The following TRIM2 variants were observed in gnomAD, a reference collection of about 807,000 sequenced individuals.
The protein encoded by TRIM2 is tripartite motif containing 2.
A neutral mutation model predicts 75.2 loss-of-function variants in TRIM2; 20 were observed. That is an observed-to-expected ratio of 0.27 (90% CI 0.19 to 0.39). TRIM2 has a LOEUF of 0.39. Among genes scored for constraint, TRIM2 ranks in the 10% least tolerant of loss-of-function variants. The pLI is 1.00. For missense variants in TRIM2, 660 were observed against 990.8 expected, an observed-to-expected ratio of 0.67 and a Z score of 4.48; for synonymous variants, 373 against 388.3, an observed-to-expected ratio of 0.96 and a Z score of 0.46.
chr4:153,315,235 T>C (rs1037096996), intron 6 of TRIM2, among the ~76,000 whole-genome samples: 2 of 152,206 alleles, frequency 1.3e-5, no homozygotes, highest in African/African-American at 4.8e-5. Context: ...CATGTTAATA[T>C]GCAGCTACAA....
In TRIM2 at chr4:153,270,350, T is replaced by A; in HGVS notation, c.46T>A (p.Ser16Thr). The A allele has an allele frequency of 6.2e-7, 1 of 1,613,038 alleles. No homozygotes were observed. Among genetic ancestry groups the A allele is most frequent in the Non-Finnish European group, 8.5e-7 (1 of 1,179,526 alleles). ...RYGTQQQRAG[S>T]KTAGPPCQWS... ...TGTCTGACAGCAGCAGCGTGCAGGG[T>A]CAAAGACAGCCGGCCCCCCATGTCA... Residue 16 changes from serine (S) to threonine (T), a missense_variant, in exon 2 of 12, where the codon TCA becomes ACA. Ser to Thr is a moderately conservative substitution (Grantham distance 58, BLOSUM62 1). This residue lies in a region of TRIM2 where 620 missense variants were observed against 891.0 expected (regional missense o/e 0.70). Coordinates refer to ENST00000338700, the MANE Select transcript of TRIM2 (RefSeq NM_015271.5).
chr4:153,288,209 G>C (rs529649536), intron 3 of TRIM2, among the ~76,000 whole-genome samples: 30 of 152,130 alleles, frequency 2.0e-4, no homozygotes, highest in Non-Finnish European at 4.1e-4. Flanking sequence ...GGCTGAGGCA[G>C]GCGGATCACC....
chr4:153,244,552 C>T (rs1382893269), intron 1 of TRIM2, among the ~76,000 whole-genome samples: 1 of 151,016 alleles, frequency 6.6e-6, no homozygotes, highest in Admixed American at 6.6e-5. Context: ...TGTACCACTG[C>T]ACCTAGCAAC....
At chr4:153,254,274 C>T (rs1360374555) in intron 1 of TRIM2, among the ~76,000 whole-genome samples, 1 of 152,218 alleles carries the variant, frequency 6.6e-6, no homozygotes, top group African/African-American at 2.4e-5. Flanking sequence ...CGCTATCTCT[C>T]ATGCTCCTGC....
chr4:153,215,558 C>T (rs1190215937), intron 1 of TRIM2, among the ~76,000 whole-genome samples: 3 of 151,824 alleles, frequency 2.0e-5, no homozygotes, highest in African/African-American at 4.8e-5. Context: ...TGAAATATCC[C>T]AATTCTTGTT....
chr4:153,333,381 C>T (rs866793915), intron 11 of TRIM2, among the ~76,000 whole-genome samples: 2 of 151,848 alleles, frequency 1.3e-5, no homozygotes, highest in African/African-American at 4.8e-5. Flanking sequence ...TAATTCTGTA[C>T]GTTGGTTGCA....
At chr4:153,276,828 C>A (rs188673017) in intron 3 of TRIM2, among the ~76,000 whole-genome samples, 96 of 152,222 alleles carry the variant, frequency 6.3e-4, no homozygotes, top group Admixed American at 2.5e-3. Flanking sequence ...AAACTCTCTG[C>A]GTCTCATTTC....
chr4:153,318,541 T>C (rs1238897818), intron 8 of TRIM2, among the ~76,000 whole-genome samples: 4 of 152,206 alleles, frequency 2.6e-5, no homozygotes, highest in Non-Finnish European at 4.4e-5. Context: ...TCCCCCTTTT[T>C]TGCATTTTAA....
At chr4:153,156,457 C>T (rs551297701) in intron 1 of TRIM2, among the ~76,000 whole-genome samples, 10 of 152,246 alleles carry the variant, frequency 6.6e-5, no homozygotes, top group Middle Eastern at 3.4e-3. Flanking sequence ...TTCTTAACCA[C>T]GCCTGCCACC....
At chr4:153,324,230 A>G in intron 10 of TRIM2, 82 bp downstream of exon 10, 1 of 1,188,132 alleles carries the variant, frequency 8.4e-7, no homozygotes, top group South Asian at 1.3e-5. Flanking sequence ...TGCAATACTT[A>G]CATATGGCAC....
chr4:153,316,611 T>C (rs150304432), intron 8 of TRIM2, among the ~76,000 whole-genome samples: 2,515 of 152,020 alleles, frequency 0.017, 26 homozygotes, highest in Non-Finnish European at 0.024. Context: ...CCAGAGAAAA[T>C]GGAAGTGGAG....
chr4:153,310,399 G>A (rs571371219), intron 6 of TRIM2: 1 of 152,322 alleles, frequency 6.6e-6, no homozygotes, highest in East Asian at 1.9e-4. Context: ...AAAGCTTGAA[G>A]AGTAAGGCAT....
chr4:153,222,426 G>T (rs1339149924), intron 1 of TRIM2: 1 of 152,238 alleles, frequency 6.6e-6, no homozygotes, highest in African/African-American at 2.4e-5. Flanking sequence ...TTCCTGCCCC[G>T]CTGTGCTGCG....
chr4:153,202,698 CAA>C (rs748719135), upstream of TRIM2, among the ~76,000 whole-genome samples: 18 of 77,946 alleles, frequency 2.3e-4, no homozygotes, highest in Admixed American at 1.5e-4. Context: ...GACTCTGTCT[CAA>C]AAAAAAAAAA....
intron 1 of TRIM2, among the ~76,000 whole-genome samples, chr4:153,166,273 G>T (rs987263017): frequency 6.6e-6 from 1 of 151,642 alleles, no homozygotes; most frequent in African/African-American, 2.4e-5. Context: ...TTGTTTATTT[G>T]TTTCAGACTT....
chr4:153,241,827 C>T (rs1466468172), intron 1 of TRIM2, among the ~76,000 whole-genome samples: 1 of 152,160 alleles, frequency 6.6e-6, no homozygotes, highest in Non-Finnish European at 1.5e-5. Flanking sequence ...GAGGAGAGGC[C>T]ACACGTATGC....
intron 1 of TRIM2, among the ~76,000 whole-genome samples, chr4:153,205,609 T>C (rs1735192381): frequency 6.6e-6 from 1 of 152,150 alleles, no homozygotes; most frequent in South Asian, 2.1e-4. Context: ...GTGTTTGTTA[T>C]CGACAGGAGC....
intron 1 of TRIM2, among the ~76,000 whole-genome samples, chr4:153,244,343 T>TTCTTCTTCTTCTTCTTCC (rs1748026615): frequency 6.3e-5 from 2 of 31,884 alleles, no homozygotes. Context: ...CTTCTTCTTC[T>TTCTTCTTCTTCTTCTTCC]TCTTCTTCTT....
chr4:153,302,338 T>C (rs1172109069), intron 6 of TRIM2, among the ~76,000 whole-genome samples: 3 of 152,218 alleles, frequency 2.0e-5, no homozygotes, highest in Non-Finnish European at 2.9e-5. Context: ...CTAGGGCACC[T>C]AGTGCCTGCC....
Sources: allele counts gnomAD v4.1 joint callset (sites outside exome capture counted in the v4.1 genomes callset), GRCh38; gene constraint gnomAD v4.1.1; regional missense constraint gnomAD v4.1.1; transcripts MANE v1.5; gene names NCBI Gene and HGNC (gene_info 2026-07-23, HGNC 2026-07-21).